The following DISC1 variants were observed in gnomAD, a reference collection of about 807,000 sequenced individuals.
DISC1 encodes the protein disrupted in schizophrenia 1 protein.
Under a neutral mutation model 84.5 loss-of-function variants are expected in DISC1, and 57 were observed. The observed-to-expected ratio is 0.67, with a 90% confidence interval of 0.55 to 0.84. The LOEUF is 0.84. DISC1 is among the 40% of genes least tolerant of loss of function. DISC1 has a pLI of 0.00. For missense variants in DISC1, 1,000 were observed against 1,057.8 expected, an observed-to-expected ratio of 0.95 and a Z score of 0.76; for synonymous variants, 411 against 415.2, an observed-to-expected ratio of 0.99 and a Z score of 0.12.
At chr1:231,685,818 T>G (rs1047799252) in intron 1 of DISC1, among the ~76,000 whole-genome samples, 6 of 152,172 alleles carry the variant, frequency 3.9e-5, no homozygotes, top group Non-Finnish European at 1.5e-5. Flanking sequence ...GCAATTCCCA[T>G]CTGCCCATGA....
intron 1 of DISC1, among the ~76,000 whole-genome samples, chr1:231,677,468 G>A (rs1010355344): frequency 6.6e-6 from 1 of 152,194 alleles, no homozygotes; most frequent in African/African-American, 2.4e-5. Context: ...AGAACAACTC[G>A]GGGAAAGACA....
intron 9 of DISC1, among the ~76,000 whole-genome samples, chr1:231,885,099 G>T (rs1303466720): frequency 2.0e-5 from 3 of 152,284 alleles, no homozygotes; most frequent in Non-Finnish European, 4.4e-5. Flanking sequence ...GCAAACCAGA[G>T]GTTTGACACC....
intron 12 of DISC1, among the ~76,000 whole-genome samples, chr1:232,027,201 C>T (rs1377813807): frequency 1.3e-5 from 2 of 152,194 alleles, no homozygotes; most frequent in South Asian, 2.1e-4. Flanking sequence ...GGCTCGTTTT[C>T]CTACGAGCTT....
chr1:231,938,774 A>G (rs928744365), intron 9 of DISC1, among the ~76,000 whole-genome samples: 12 of 152,186 alleles, frequency 7.9e-5, no homozygotes, highest in African/African-American at 2.9e-4. Context: ...AATCCTATAA[A>G]CTGACAGCCG....
At chr1:231,875,326 C>T (rs557718320) in intron 9 of DISC1, among the ~76,000 whole-genome samples, 4 of 151,060 alleles carry the variant, frequency 2.6e-5, no homozygotes, top group African/African-American at 4.9e-5. Context: ...AGTAAGGGGA[C>T]ATGAGCCACC....
intron 1 of DISC1, among the ~76,000 whole-genome samples, chr1:231,667,791 A>G (rs1330722000): frequency 6.6e-6 from 1 of 152,198 alleles, no homozygotes; most frequent in Non-Finnish European, 1.5e-5. Context: ...GTAGGACATT[A>G]AAAAATAAAT....
intron 4 of DISC1, among the ~76,000 whole-genome samples, chr1:231,757,914 C>T (rs1158034042): frequency 6.6e-6 from 1 of 151,540 alleles, no homozygotes; most frequent in Non-Finnish European, 1.5e-5. Flanking sequence ...AACTGGGAAC[C>T]GTGCTCACAG....
intron 9 of DISC1, among the ~76,000 whole-genome samples, chr1:231,855,964 A>G (rs2084239392): frequency 6.6e-6 from 1 of 152,250 alleles, no homozygotes; most frequent in African/African-American, 2.4e-5. Flanking sequence ...TTTGAACATG[A>G]AAGTCGTGGC....
intron 4 of DISC1, chr1:231,750,381 T>G (rs1202141520): frequency 8.7e-7 from 1 of 1,154,584 alleles, no homozygotes; most frequent in Admixed American, 4.4e-5. Flanking sequence ...GGGGGTAATT[T>G]CCTCTTGTTG....
rs141052970 is a variant in DISC1 at position 231,826,108 on chromosome 1, A to G, written c.1981+7591A>G. Among the ~76,000 whole-genome samples the G allele has an allele frequency of 1.7e-3, 261 of 152,324 alleles. 2 individuals are homozygous for G. The highest frequency in any genetic ancestry group is 5.9e-3 in the African/African-American group (247 of 41,566). ...ACTAAGCACTGTGCTAAGACTTGAC[A>G]TACTTTAGTCATCTCATCCTCTGGA... On this transcript the variant is annotated intron_variant, in intron 9 of 12. Coordinates refer to ENST00000439617, the MANE Select transcript of DISC1 (RefSeq NM_018662.3). This position sits in a 1 kb window ranked among gnomAD's most constrained non-coding sequence, Gnocchi z 4.2.
chr1:231,930,696 G>A (rs897570221), intron 9 of DISC1, among the ~76,000 whole-genome samples: 2 of 152,048 alleles, frequency 1.3e-5, no homozygotes, highest in Non-Finnish European at 2.9e-5. Context: ...GGGCAGCTGG[G>A]GAAGCATTTC....
chr1:231,806,989 A>C (rs2079784033), intron 8 of DISC1, among the ~76,000 whole-genome samples: 1 of 152,214 alleles, frequency 6.6e-6, no homozygotes, highest in Non-Finnish European at 1.5e-5. Flanking sequence ...GGACTTTCCA[A>C]ACCACGGACC....
chr1:231,921,395 G>T (rs1049358559), intron 9 of DISC1, among the ~76,000 whole-genome samples: 1 of 152,162 alleles, frequency 6.6e-6, no homozygotes, highest in Admixed American at 6.5e-5. Flanking sequence ...TTTGTTCTCA[G>T]TTTGGGAAGG....
chr1:231,721,125 C>A, intron 3 of DISC1: 1 of 1,280,114 alleles, frequency 7.8e-7, no homozygotes, highest in Non-Finnish European at 1.0e-6. Context: ...AGTACAATAA[C>A]ATTAGCTCTA....
chr1:231,721,116 G>C, intron 3 of DISC1: 2 of 1,286,152 alleles, frequency 1.6e-6, no homozygotes, highest in Non-Finnish European at 2.0e-6. Flanking sequence ...TGCCAAATGA[G>C]TACAATAACA....
intron 3 of DISC1, among the ~76,000 whole-genome samples, chr1:231,718,933 T>C (rs1433624322): frequency 6.6e-6 from 1 of 152,146 alleles, no homozygotes; most frequent in African/African-American, 2.4e-5. Context: ...CCAGGAGTTG[T>C]AGACCAGCCT....
chr1:231,896,088 A>G (rs1335865032), intron 9 of DISC1, among the ~76,000 whole-genome samples: 1 of 152,100 alleles, frequency 6.6e-6, no homozygotes, highest in Admixed American at 6.6e-5. Context: ...TCCTACCACT[A>G]CATTCCCCCT....
chr1:231,808,875 C>T (rs1222491122), intron 8 of DISC1, among the ~76,000 whole-genome samples: 4 of 152,176 alleles, frequency 2.6e-5, no homozygotes, highest in Non-Finnish European at 1.5e-5. Flanking sequence ...ATATACACCA[C>T]AGTAGGAAAC....
At chr1:231,768,760 A>G (rs111859063) in intron 5 of DISC1, among the ~76,000 whole-genome samples, 29 of 152,324 alleles carry the variant, frequency 1.9e-4, no homozygotes, top group African/African-American at 6.5e-4. Context: ...AAACATAATA[A>G]AACCTCTATT....
Sources: allele counts gnomAD v4.1 joint callset (sites outside exome capture counted in the v4.1 genomes callset), GRCh38; gene constraint gnomAD v4.1.1; non-coding constraint Gnocchi (gnomAD v3.1); transcripts MANE v1.5; gene names NCBI Gene and HGNC (gene_info 2026-07-23, HGNC 2026-07-21).